Variants in PLXNA4 observed in about 807,000 individuals in gnomAD.
PLXNA4 encodes the protein plexin-A4.
In PLXNA4, 44 loss-of-function variants were observed where a neutral mutation model predicts 191.8. The observed-to-expected ratio is 0.23, with a 90% confidence interval of 0.18 to 0.29. The LOEUF (loss-of-function observed/expected upper bound fraction) is 0.29, where lower values mean the gene tolerates loss of function less well. Ranked by LOEUF, PLXNA4 falls within the 10% of genes least tolerant of loss-of-function variation. PLXNA4 has a pLI of 1.00. For missense variants in PLXNA4, 1,800 were observed against 2,488.8 expected (o/e 0.72, Z 5.89); for synonymous variants, 1,082 against 1,009.5 (o/e 1.07, Z -1.36).
intron 3 of PLXNA4, among the ~76,000 whole-genome samples, chr7:132,360,888 T>G (rs1438866206): frequency 6.6e-6 from 1 of 152,210 alleles, no homozygotes; most frequent in Non-Finnish European, 1.5e-5. Flanking sequence ...GGGGGCCACA[T>G]CTGCTGAATG....
At chr7:132,582,536 G>T (rs1025291542) in intron 2 of PLXNA4, among the ~76,000 whole-genome samples, 1 of 152,188 alleles carries the variant, frequency 6.6e-6, no homozygotes, top group African/African-American at 2.4e-5. Context: ...CTCCCAGCTT[G>T]GTCTCTTTAG....
chr7:132,294,606 C>T (rs1161572179), intron 4 of PLXNA4, among the ~76,000 whole-genome samples: 1 of 152,096 alleles, frequency 6.6e-6, no homozygotes, highest in Non-Finnish European at 1.5e-5. Flanking sequence ...CATGGGGGTT[C>T]AATCCAGGTG....
At chr7:132,643,045 G>A (rs1803778880) in intron 2 of PLXNA4, among the ~76,000 whole-genome samples, 1 of 152,220 alleles carries the variant, frequency 6.6e-6, no homozygotes, top group African/African-American at 2.4e-5. Flanking sequence ...GGATGGGGTG[G>A]GAGGGAGAAT....
rs527686365 is a variant in PLXNA4, at chr7:132,224,329, G to A, written c.1983-688C>T. On this transcript the variant is annotated intron_variant, in intron 8 of 31. Transcript: ENST00000321063. ...TCCCCACAAGCCATTCCTCCCTCCA[G>A]AGCACCATTTCTTCTGTCCTCCACC... Among the ~76,000 whole-genome samples, 26 of 152,208 alleles carry A rather than the reference G, an allele frequency of 1.7e-4. 1 individual carries two copies. The South Asian group carries it at 4.6e-3, about 27-fold the overall frequency.
At chr7:132,384,351 A>T in intron 3 of PLXNA4, 3 of 985,446 alleles carry the variant, frequency 3.0e-6, no homozygotes, top group Non-Finnish European at 3.6e-6. Context: ...TTTCCCAGTA[A>T]GCTAGTAGAA....
At chr7:132,582,636 G>C (rs1219669814) in intron 2 of PLXNA4, among the ~76,000 whole-genome samples, 1 of 152,122 alleles carries the variant, frequency 6.6e-6, no homozygotes, top group Non-Finnish European at 1.5e-5. Flanking sequence ...CACCCTAGGA[G>C]CCCATCCTCC....
intron 4 of PLXNA4, among the ~76,000 whole-genome samples, chr7:132,255,213 G>A (rs1225797244): frequency 1.3e-5 from 2 of 152,204 alleles, no homozygotes; most frequent in African/African-American, 4.8e-5. Context: ...TTAGTCAGGA[G>A]TCTGTGGGTC....
intron 3 of PLXNA4, chr7:132,485,008 G>T (rs200588151): frequency 8.1e-6 from 13 of 1,613,750 alleles, no homozygotes; most frequent in Non-Finnish European, 1.0e-5. Context: ...GACCTGTGCC[G>T]AAGGACTAGG....
intron 4 of PLXNA4, among the ~76,000 whole-genome samples, chr7:132,252,929 T>TA (rs568315984): frequency 6.6e-6 from 1 of 152,162 alleles, no homozygotes; most frequent in Non-Finnish European, 1.5e-5. Flanking sequence ...ATATTTGAGT[T>TA]AAAAAAACAA....
chr7:132,562,972 CCCTCCTCCTCCTT>C (rs1801341072), intron 1 of PLXNA4, among the ~76,000 whole-genome samples: 1 of 41,740 alleles, frequency 2.4e-5, no homozygotes, highest in Non-Finnish European at 4.4e-5. Flanking sequence ...CTCCTCCTCT[CCCTCCTCCTCCTT>C]CTCCTCCTCC....
At chr7:132,371,759 C>T (rs1389042173) in intron 3 of PLXNA4, among the ~76,000 whole-genome samples, 1 of 152,142 alleles carries the variant, frequency 6.6e-6, no homozygotes, top group Non-Finnish European at 1.5e-5. Flanking sequence ...CATGGCTGGG[C>T]CTCTCTGATC....
intron 3 of PLXNA4, among the ~76,000 whole-genome samples, chr7:132,372,220 T>C (rs1247213161): frequency 1.3e-5 from 2 of 152,204 alleles, no homozygotes; most frequent in Non-Finnish European, 2.9e-5. Context: ...CTTCCAGCAA[T>C]GAGCTTCAAT....
rs781078322 is a variant in PLXNA4, at chr7:132,202,768, C to T, written c.2464G>A (p.Ala822Thr). 15 of 1,611,848 alleles carry T rather than the reference C, an allele frequency of 9.3e-6. No homozygotes were observed. The highest frequency in any genetic ancestry group is 3.3e-4 in the Middle Eastern group (2 of 6,042). Reference protein sequence around the residue: ...GLCLKADPDFACGWCQGPGQC... With the variant: ...GLCLKADPDFTCGWCQGPGQC... ...CCTGGGCCCTGGCACCAGCCACATG[C>T]GAAGTCTGGGTCAGCCTTGAGGCAC... The change falls in exon 12 of 32, where the codon GCA becomes ACA. Residue 822 changes from alanine (A) to threonine (T), a missense_variant. Transcript: ENST00000321063.
intron 3 of PLXNA4, among the ~76,000 whole-genome samples, chr7:132,438,851 A>C (rs1795578663): frequency 6.6e-6 from 1 of 152,212 alleles, no homozygotes; most frequent in Non-Finnish European, 1.5e-5. Context: ...AAAAAGATTT[A>C]TTCCATATCA....
chr7:132,524,582 T>G lies in PLXNA4; in HGVS notation c.-86-15803A>C, dbSNP rs145430122. ...ACTCACACTAAGAGCAAGACTTTTT[T>G]TTGTTGTTGTTGAGATGGAGTCTCA... is the stretch of plus-strand genomic sequence containing the variant. On this transcript the variant is annotated intron_variant, in intron 1 of 31. Coordinates refer to ENST00000321063, the MANE Select transcript of PLXNA4 (RefSeq NM_020911.2). 8.4e-4 allele frequency among the ~76,000 whole-genome samples: 128 copies of G among 152,254 alleles called. 1 individual carries two copies. The highest frequency in any genetic ancestry group is 3.4e-3 in the Middle Eastern group (1 of 294).
At chr7:132,618,865 T>A (rs1433981154) in intron 2 of PLXNA4, among the ~76,000 whole-genome samples, 1 of 152,066 alleles carries the variant, frequency 6.6e-6, no homozygotes, top group Non-Finnish European at 1.5e-5. Context: ...AAATTAAACA[T>A]AAAAAGTGAT....
intron 2 of PLXNA4, among the ~76,000 whole-genome samples, chr7:132,588,700 GA>G (rs1398883621): frequency 2.0e-5 from 2 of 101,796 alleles, no homozygotes; most frequent in Admixed American, 1.2e-4. Context: ...GGGAGGGAGG[GA>G]GGGGAGAGGA....
At chr7:132,138,900 C>T (rs917723653) in intron 30 of PLXNA4, among the ~76,000 whole-genome samples, 6 of 152,224 alleles carry the variant, frequency 3.9e-5, no homozygotes, top group Non-Finnish European at 7.3e-5. Flanking sequence ...CCTTCACAGC[C>T]CTGGTTTCCC....
chr7:132,267,812 C>T (rs1799913033), intron 4 of PLXNA4, among the ~76,000 whole-genome samples: 1 of 152,014 alleles, frequency 6.6e-6, no homozygotes, highest in Non-Finnish European at 1.5e-5. Context: ...AGGAAAGAAC[C>T]CGTGGGGTTT....
Sources: allele counts gnomAD v4.1 joint callset (sites outside exome capture counted in the v4.1 genomes callset), GRCh38; gene constraint gnomAD v4.1.1; transcripts MANE v1.5; gene names NCBI Gene and HGNC (gene_info 2026-07-23, HGNC 2026-07-21).